The following ADARB2 variants were observed in gnomAD, a reference collection of about 807,000 sequenced individuals.
ADARB2 encodes the protein inactive double-stranded RNA-specific editase B2.
In ADARB2, 25 loss-of-function variants were observed where a neutral mutation model predicts 62.2. The ratio of observed to expected loss-of-function variants is 0.40; its 90% CI spans 0.29 to 0.56. ADARB2 has a LOEUF of 0.56. Among genes scored for constraint, ADARB2 ranks in the 20% least tolerant of loss-of-function variants. The pLI, the probability that ADARB2 is intolerant of heterozygous loss-of-function variation, is 0.43. For missense variants in ADARB2, 1,071 were observed against 1,077.4 expected (o/e 0.99, Z 0.08); for synonymous variants, 572 against 500.8 (o/e 1.14, Z -1.90).
chr10:1,636,159 T>C (rs1015070994), intron 1 of ADARB2, among the ~76,000 whole-genome samples: 24 of 151,522 alleles, frequency 1.6e-4, no homozygotes, highest in African/African-American at 5.8e-4. Flanking sequence ...TTGAGGGGGG[T>C]GCAAGACATA....
chr10:1,644,850 G>T (rs1483203451), intron 1 of ADARB2, among the ~76,000 whole-genome samples: 1 of 152,216 alleles, frequency 6.6e-6, no homozygotes, highest in African/African-American at 2.4e-5. Context: ...TTAAATTTAT[G>T]ACTCGAGATT....
In ADARB2 at chr10:1,340,861, C is replaced by A. The variant is rs536333548; in HGVS notation, c.1077+22167G>T. ...ACCACACACCCCACAGTGGCAATAA[C>A]CAGCATCCACCAGAGAACCACGCGC... On this transcript the variant is annotated intron_variant, in intron 3 of 9. Transcript: ENST00000381312. Among the ~76,000 whole-genome samples, 447 of 146,976 alleles carry A rather than the reference C, an allele frequency of 3.0e-3. 10 individuals are homozygous for A. The highest frequency in any genetic ancestry group is 5.3e-3 in the Non-Finnish European group (355 of 66,638).
At chr10:1,401,851 A>T (rs1288204936) in intron 1 of ADARB2, among the ~76,000 whole-genome samples, 1 of 152,148 alleles carries the variant, frequency 6.6e-6, no homozygotes, top group African/African-American at 2.4e-5. Context: ...CCAAACACAA[A>T]CAGGTGCTAG....
chr10:1,615,810 C>T (rs1465080648), intron 1 of ADARB2, among the ~76,000 whole-genome samples: 2 of 152,228 alleles, frequency 1.3e-5, no homozygotes, highest in African/African-American at 2.4e-5. Context: ...GTCCTGAATA[C>T]CACAGTCCCT....
At chr10:1,416,885 ATGACCATCCACAGC>A (rs986945118) in intron 1 of ADARB2, among the ~76,000 whole-genome samples, 2 of 152,266 alleles carry the variant, frequency 1.3e-5, no homozygotes, top group African/African-American at 2.4e-5. Context: ...GGCCTGGGGC[ATGACCATCCACAGC>A]TGAGAAGGGA....
At chr10:1,712,152 C>A (rs1056223581) in intron 1 of ADARB2, among the ~76,000 whole-genome samples, 4 of 152,166 alleles carry the variant, frequency 2.6e-5, no homozygotes, top group African/African-American at 9.7e-5. Context: ...AACAGATATT[C>A]TCAAATTCGT....
chr10:1,297,880 G>T (rs1186630094), intron 3 of ADARB2, among the ~76,000 whole-genome samples: 2 of 152,228 alleles, frequency 1.3e-5, no homozygotes, highest in Non-Finnish European at 2.9e-5. Context: ...TGGAGGCCAG[G>T]AGAGAGGGTG....
chr10:1,419,801 C>T (rs1832837543), intron 1 of ADARB2, among the ~76,000 whole-genome samples: 4 of 152,342 alleles, frequency 2.6e-5, no homozygotes, highest in African/African-American at 9.6e-5. Flanking sequence ...TAGCTTTTCA[C>T]ATCACATCGG....
chr10:1,646,760 G>A (rs910242043), intron 1 of ADARB2, among the ~76,000 whole-genome samples: 2 of 152,184 alleles, frequency 1.3e-5, no homozygotes, highest in East Asian at 1.9e-4. Flanking sequence ...TGTGGGAGGG[G>A]GTGTGTGATG....
intron 1 of ADARB2, among the ~76,000 whole-genome samples, chr10:1,450,944 G>T (rs1028404649): frequency 6.6e-6 from 1 of 152,226 alleles, no homozygotes; most frequent in South Asian, 2.1e-4. Context: ...ACAGTCAGAT[G>T]TGCTGTCAGG....
chr10:1,354,852 G>T (rs568379188), intron 3 of ADARB2, among the ~76,000 whole-genome samples: 1 of 152,336 alleles, frequency 6.6e-6, no homozygotes, highest in South Asian at 2.1e-4. Flanking sequence ...TGGAGCCATT[G>T]TCTACCCCAG....
At chr10:1,300,663 G>T (rs971065727) in intron 3 of ADARB2, among the ~76,000 whole-genome samples, 2 of 152,062 alleles carry the variant, frequency 1.3e-5, no homozygotes, top group African/African-American at 4.8e-5. Context: ...AAAATTCCTC[G>T]TGGGCTTCAT....
chr10:1,250,520 G>A (rs1339443062), intron 4 of ADARB2, among the ~76,000 whole-genome samples: 2 of 152,146 alleles, frequency 1.3e-5, no homozygotes, highest in Non-Finnish European at 2.9e-5. Flanking sequence ...AGCGTGGGCT[G>A]TAATGAAGCC....
intron 1 of ADARB2, among the ~76,000 whole-genome samples, chr10:1,462,694 T>A (rs1188693708): frequency 6.6e-6 from 1 of 152,002 alleles, no homozygotes; most frequent in Non-Finnish European, 1.5e-5. Context: ...TGCATGTGTG[T>A]GTGCCTGTGT....
intron 1 of ADARB2, among the ~76,000 whole-genome samples, chr10:1,715,095 C>G (rs4880915): frequency 0.31 from 45,882 of 148,576 alleles, 7,153 homozygotes; most frequent in Admixed American, 0.36. Context: ...TGCTCTCATT[C>G]TTTCCTAAGT....
chr10:1,443,976 T>C (rs1159374966), intron 1 of ADARB2, among the ~76,000 whole-genome samples: 1 of 152,066 alleles, frequency 6.6e-6, no homozygotes, highest in Non-Finnish European at 1.5e-5. Context: ...TATCCATCCA[T>C]CCATCCACCC....
intron 1 of ADARB2, among the ~76,000 whole-genome samples, chr10:1,384,283 T>C (rs1832508071): frequency 6.6e-6 from 1 of 152,252 alleles, no homozygotes; most frequent in East Asian, 1.9e-4. Flanking sequence ...ATTAGCAGAG[T>C]GGGGCACAGT....
chr10:1,634,524 A>C (rs1224523920), intron 1 of ADARB2, among the ~76,000 whole-genome samples: 2 of 152,134 alleles, frequency 1.3e-5, no homozygotes, highest in African/African-American at 4.8e-5. Context: ...ACCTGGAAGG[A>C]TGTGTTTCTT....
intron 6 of ADARB2, among the ~76,000 whole-genome samples, chr10:1,223,053 T>A (rs1385260169): frequency 6.6e-6 from 1 of 152,168 alleles, no homozygotes; most frequent in Admixed American, 6.6e-5. Context: ...CATGAGCATG[T>A]ATTGTTCTTC....
Sources: gnomAD v4.1 joint callset for allele counts (sites outside exome capture counted in the v4.1 genomes callset) on GRCh38, gnomAD v4.1.1 for gene constraint, MANE v1.5 for transcripts, NCBI Gene and HGNC (gene_info 2026-07-23, HGNC 2026-07-21) for gene names.